The following SASH1 variants were observed in gnomAD, a reference collection of about 807,000 sequenced individuals.
SASH1 encodes the protein SAM and SH3 domain-containing protein 1.
A neutral mutation model predicts 125.2 loss-of-function variants in SASH1; 44 were observed. The observed-to-expected ratio is 0.35, with a 90% CI of 0.28 to 0.45. The LOEUF is 0.45. Among genes scored for constraint, SASH1 ranks in the 20% least tolerant of loss-of-function variants. The pLI, the probability that SASH1 is intolerant of heterozygous loss-of-function variation, is 1.00. For missense variants in SASH1, 1,426 were observed against 1,614.5 expected (o/e 0.88, Z 2.00); for synonymous variants, 639 against 649.1 (o/e 0.98, Z 0.24).
the SASH1 span, among the ~76,000 whole-genome samples, chr6:148,223,627 T>C: frequency 7.2e-5 from 11 of 152,206 alleles, no homozygotes; most frequent in Admixed American, 2.6e-4. Flanking sequence ...TATAACTTCA[T>C]GTGAGTTTAT....
Position 148,496,302 on chromosome 6 carries a change from T to C in SASH1, c.729+8587T>C, listed in dbSNP as rs773520428. Among the ~76,000 whole-genome samples the C allele has an allele frequency of 5.9e-5, 9 of 152,352 alleles. No homozygotes were observed. In the South Asian group the frequency reaches 8.3e-4, roughly 14 times the overall value. ...GGGTTTAAATTTAAAAGGGTTCTAA[T>C]TGGCAAGATGCTTTTTGGTTTACAG... is the stretch of plus-strand genomic sequence containing the variant. On this transcript the variant is annotated intron_variant, in intron 8 of 19. Coordinates refer to ENST00000367467, the MANE Select transcript of SASH1 (RefSeq NM_015278.5).
At position 148,449,078 on chromosome 6, in the gene SASH1, C is replaced by CTTTTTTTT; in HGVS notation, c.386+8679_386+8686dup. Reference sequence around the variant, plus strand: ...GAGACTGGCTAATTTCATTTCATTTCTTTTTTTTTTTTTTTGGAGACAGAG... The same window carrying CTTTTTTTT: ...GAGACTGGCTAATTTCATTTCATTTCTTTTTTTTTTTTTTTTTTTTTTTGGAGACAGAG... On this transcript the variant is annotated intron_variant, in intron 4 of 19. Coordinates refer to ENST00000367467, the MANE Select transcript of SASH1 (RefSeq NM_015278.5). Among the ~76,000 whole-genome samples the CTTTTTTTT allele has an allele frequency of 7.9e-3, 699 of 88,624 alleles. 36 individuals carry two copies. The highest frequency in any genetic ancestry group is 0.032 in the South Asian group (90 of 2,846). 58.1% of individuals were successfully genotyped at this position (88,624 alleles called of 152,430 possible). A position where few individuals can be genotyped will look rare whatever the true frequency, so the allele number is the denominator to read the frequency against.
At chr6:148,509,778 A>ATG (rs1205645021) in intron 8 of SASH1, among the ~76,000 whole-genome samples, 1 of 152,234 alleles carries the variant, frequency 6.6e-6, no homozygotes, top group Non-Finnish European at 1.5e-5. Flanking sequence ...CGGCACACAA[A>ATG]TGTTTGTACT....
intron 8 of SASH1, among the ~76,000 whole-genome samples, chr6:148,490,615 C>A (rs1252791992): frequency 6.6e-6 from 1 of 152,178 alleles, no homozygotes; most frequent in Non-Finnish European, 1.5e-5. Context: ...TAGGTTATCT[C>A]ATCCTTAAAA....
rs144253421 is a variant in SASH1, at chr6:148,527,508, G to A, written c.1340G>A (p.Arg447His). The A allele has an allele frequency of 1.6e-5, 26 of 1,609,816 alleles. No homozygotes were observed. The Admixed American group carries it at 1.7e-4, about 10-fold the overall frequency. ...GTCATCAAATCACCTACTGCCTCTCGCATCTCTCTTGGGAAAAAGGTGAAA... is the reference window on the plus strand; with the variant it reads ...GTCATCAAATCACCTACTGCCTCTCACATCTCTCTTGGGAAAAAGGTGAAA... ...KEVIKSPTAS[R>H]ISLGKKVKSV... Residue 447 changes from arginine to histidine, a missense_variant, in exon 12 of 20, where the codon CGC becomes CAC. By Grantham distance (29) the Arg-to-His change is conservative. This residue lies in a region of SASH1 where 567 missense variants were observed against 575.6 expected (regional missense o/e 0.99). Coordinates refer to ENST00000367467, the MANE Select transcript of SASH1 (RefSeq NM_015278.5).
chr6:148,474,256 G>A lies in SASH1; in HGVS notation c.627+34G>A, dbSNP rs763467345. 4 of 1,352,346 alleles carry A rather than the reference G, an allele frequency of 3.0e-6. No individual in the cohort carries two copies. The South Asian group carries it at 5.0e-5, about 17-fold the overall frequency. The allele number at this position is 1,352,346 out of a possible 1,614,324, so 83.8% of individuals were successfully genotyped here. A position where few individuals can be genotyped will look rare whatever the true frequency, so the allele number is the denominator to read the frequency against. ...GCAGATACCTGGTTTATATTTGTGA[G>A]GACTTGACTTTCTGAAGTGTAAAAA... On this transcript the variant is annotated intron_variant, in intron 7 of 19. Transcript: ENST00000367467.
At chr6:148,535,848 T>C (rs762223799) in intron 16 of SASH1, among the ~76,000 whole-genome samples, 2 of 152,174 alleles carry the variant, frequency 1.3e-5, no homozygotes, top group Non-Finnish European at 2.9e-5. Flanking sequence ...AGCATTTCTG[T>C]TGCTAAAAGA....
intron 1 of SASH1, among the ~76,000 whole-genome samples, chr6:148,284,531 G>A (rs904842269): frequency 1.3e-5 from 2 of 152,104 alleles, no homozygotes; most frequent in African/African-American, 2.4e-5. Flanking sequence ...CTAACCTAGA[G>A]GTACCCATTG....
At chr6:148,314,575 A>G (rs931946639) in intron 1 of SASH1, among the ~76,000 whole-genome samples, 10 of 152,116 alleles carry the variant, frequency 6.6e-5, no homozygotes, top group Non-Finnish European at 1.3e-4. Flanking sequence ...CCTCTAATCT[A>G]CAGCATAAGT....
intron 16 of SASH1, among the ~76,000 whole-genome samples, chr6:148,539,252 C>T (rs117337581): frequency 0.045 from 6,862 of 151,926 alleles, 197 homozygotes; most frequent in Non-Finnish European, 0.062. Flanking sequence ...TTTTGGGTTA[C>T]ATGGATGAAT....
At chr6:148,546,950 A>G (rs1782608873) in intron 19 of SASH1, among the ~76,000 whole-genome samples, 1 of 152,158 alleles carries the variant, frequency 6.6e-6, no homozygotes, top group Admixed American at 6.5e-5. Context: ...TTATGGTCCA[A>G]GACCTCCAAG....
rs34126353 is a variant in SASH1, at chr6:148,300,442, A to AT, written n.74+28089dup. On this transcript the variant is annotated intron_variant and non_coding_transcript_variant, in intron 1 of 3. Transcript: ENST00000367469. ...AACAACTTTACCTCTCAGAAACAAG[A>AT]TTTTTTTTTTTTTTTTTTTTTTTTG... Among the ~76,000 whole-genome samples, 597 of 108,270 alleles carry AT rather than the reference A, an allele frequency of 5.5e-3. 6 individuals are homozygous for AT. The highest frequency in any genetic ancestry group is 0.017 in the Admixed American group (166 of 9,664). The allele number at this position is 108,270 out of a possible 152,430, so 71.0% of individuals were successfully genotyped here.
intron 4 of SASH1, among the ~76,000 whole-genome samples, chr6:148,449,189 C>A (rs1374209425): frequency 6.7e-6 from 1 of 149,972 alleles, no homozygotes; most frequent in African/African-American, 2.5e-5. Context: ...CCTGCCTCAG[C>A]CTCTCGAGTA....
intron 1 of SASH1, among the ~76,000 whole-genome samples, chr6:148,307,468 G>A (rs1562316908): frequency 1.3e-5 from 2 of 152,068 alleles, no homozygotes; most frequent in Non-Finnish European, 2.9e-5. Context: ...TACCCTAAAA[G>A]AGCTTACAGT....
intron 4 of SASH1, among the ~76,000 whole-genome samples, chr6:148,458,752 G>T (rs962057843): frequency 6.6e-6 from 1 of 152,054 alleles, no homozygotes; most frequent in Admixed American, 6.6e-5. Context: ...AATTGCTTGA[G>T]GCCAGGACAA....
intron 2 of SASH1, among the ~76,000 whole-genome samples, chr6:148,404,461 T>A (rs1302231135): frequency 6.6e-6 from 1 of 152,096 alleles, no homozygotes; most frequent in East Asian, 1.9e-4. Flanking sequence ...CAGGATCCAC[T>A]GAGGATAAAC....
At chr6:148,476,507 C>T (rs1360582661) in intron 7 of SASH1, among the ~76,000 whole-genome samples, 1 of 152,068 alleles carries the variant, frequency 6.6e-6, no homozygotes, top group East Asian at 1.9e-4. Context: ...CATGGTGAAA[C>T]CCCGTCTCCA....
At chr6:148,196,045 G>A in the SASH1 span, among the ~76,000 whole-genome samples, 1 of 152,326 alleles carries the variant, frequency 6.6e-6, no homozygotes, top group South Asian at 2.1e-4. Flanking sequence ...AGGCTCTGGT[G>A]ATTTCCTACA....
At chr6:148,253,578 T>TA in the SASH1 span, among the ~76,000 whole-genome samples, 3,404 of 152,214 alleles carry the variant, frequency 0.022, 120 homozygotes, top group African/African-American at 0.078. Context: ...CTTTGTACTT[T>TA]AAAAGACCCA....
Sources: gnomAD v4.1 joint callset for allele counts (sites outside exome capture counted in the v4.1 genomes callset) on GRCh38, gnomAD v4.1.1 for gene constraint, gnomAD v4.1.1 regional missense constraint, MANE v1.5 for transcripts, NCBI Gene and HGNC (gene_info 2026-07-23, HGNC 2026-07-21) for gene names.